The following PCDH15 variants were observed in gnomAD, a reference collection of about 807,000 sequenced individuals.
PCDH15 encodes protocadherin related 15.
A neutral mutation model predicts 178.5 loss-of-function variants in PCDH15; 129 were observed. That is an observed-to-expected ratio of 0.72 (90% CI 0.63 to 0.84). PCDH15 has a LOEUF of 0.84. Among genes scored for constraint, PCDH15 ranks in the 40% least tolerant of loss-of-function variants. The pLI is 0.00. For synonymous variants in PCDH15, 800 were observed against 732.0 expected (o/e 1.09, Z -1.50); for missense variants, 2,230 against 2,099.9 (o/e 1.06, Z -1.21).
rs191729854 is a variant in PCDH15, at chr10:54,241,081, C to G, written c.877-4150G>C. On this transcript the variant is annotated intron_variant, in intron 8 of 37. Coordinates refer to ENST00000644397, the MANE Select transcript of PCDH15 (RefSeq NM_001384140.1). ...TGCCAACTTATTCTGTTGAGTTATC[C>G]AAAGAGATCACTACTCTCTGGTCAA... 1.8e-3 allele frequency among the ~76,000 whole-genome samples: 269 copies of G among 152,122 alleles called. 1 individual carries two copies. The highest frequency in any genetic ancestry group is 6.0e-3 in the African/African-American group (251 of 41,498).
At chr10:54,054,509 G>A (rs1002298685) in intron 18 of PCDH15, among the ~76,000 whole-genome samples, 2 of 152,082 alleles carry the variant, frequency 1.3e-5, no homozygotes, top group African/African-American at 4.8e-5. Context: ...ACCATAAAGT[G>A]GACACAGATA....
intron 3 of PCDH15, among the ~76,000 whole-genome samples, chr10:54,885,194 T>C (rs1263022431): frequency 6.6e-6 from 1 of 151,982 alleles, no homozygotes; most frequent in African/African-American, 2.4e-5. Context: ...TTAGCAACAG[T>C]GGTAAAATGT....
At chr10:55,237,885 G>A (rs769192988) in intron 1 of PCDH15, among the ~76,000 whole-genome samples, 2 of 151,706 alleles carry the variant, frequency 1.3e-5, no homozygotes, top group Non-Finnish European at 2.9e-5. Context: ...TATTCAGGAT[G>A]TACAATATTA....
intron 2 of PCDH15, among the ~76,000 whole-genome samples, chr10:55,346,937 G>C (rs1199005045): frequency 6.6e-6 from 1 of 151,942 alleles, no homozygotes; most frequent in East Asian, 1.9e-4. Context: ...AAAGTGAGTT[G>C]GGCGCGGTGA....
intron 2 of PCDH15, among the ~76,000 whole-genome samples, chr10:55,113,909 A>T (rs1837569027): frequency 6.6e-6 from 1 of 152,052 alleles, no homozygotes; most frequent in South Asian, 2.1e-4. Context: ...TCCCTCATTC[A>T]GCTCAAACTT....
chr10:54,721,968 A>G (rs915888851), intron 1 of PCDH15, among the ~76,000 whole-genome samples: 1 of 151,918 alleles, frequency 6.6e-6, no homozygotes, highest in African/African-American at 2.4e-5. Flanking sequence ...AAAATCTTCA[A>G]CAAAATACTA....
At chr10:55,211,945 C>A (rs1026042767) in intron 1 of PCDH15, among the ~76,000 whole-genome samples, 6 of 117,140 alleles carry the variant, frequency 5.1e-5, no homozygotes, top group African/African-American at 1.0e-4. Flanking sequence ...CAAATAAATT[C>A]TTTTCTAACA....
chr10:55,463,250 C>T, intron 2 of PCDH15, among the ~76,000 whole-genome samples: 1 of 152,058 alleles, frequency 6.6e-6, no homozygotes, highest in East Asian at 1.9e-4. Context: ...ACTCCATATG[C>T]TAGAATGACT....
At chr10:54,244,404 A>G (rs1047704325) in intron 8 of PCDH15, among the ~76,000 whole-genome samples, 8 of 152,192 alleles carry the variant, frequency 5.3e-5, no homozygotes, top group Middle Eastern at 3.2e-3. Context: ...GACAGGCAAT[A>G]AAAACCTTGG....
intron 2 of PCDH15, among the ~76,000 whole-genome samples, chr10:55,514,584 C>T (rs1399383987): frequency 2.0e-5 from 3 of 152,078 alleles, no homozygotes; most frequent in Admixed American, 6.6e-5. Flanking sequence ...ACATAAAAAG[C>T]GTAATCAAAT....
At chr10:55,121,564 T>A (rs1180285233) in intron 2 of PCDH15, among the ~76,000 whole-genome samples, 1 of 152,116 alleles carries the variant, frequency 6.6e-6, no homozygotes, top group Non-Finnish European at 1.5e-5. Context: ...TTTGAATATA[T>A]GTGTCTCTCT....
chr10:54,307,098 GTGTGTGTA>G lies in PCDH15; in HGVS notation c.876+10165_876+10172del, dbSNP rs1564922696. 6.5e-3 allele frequency among the ~76,000 whole-genome samples: 88 copies of G among 13,576 alleles called. 7 individuals are homozygous for G. Among genetic ancestry groups the G allele is most frequent in the African/African-American group, 0.028 (73 of 2,626 alleles). The allele number at this position is 13,576 out of a possible 152,430, so 8.9% of individuals were successfully genotyped here. A position where few individuals can be genotyped will look rare whatever the true frequency, so the allele number is the denominator to read the frequency against. On this transcript the variant is annotated intron_variant, in intron 8 of 37. Transcript: ENST00000644397. The stretch of plus-strand genomic sequence containing the variant: ...TATATATACATATATATATATGTGT[GTGTGTGTA>G]TATATATATATATATATATATATAT...
chr10:54,630,557 A>G (rs1590689857), intron 2 of PCDH15, among the ~76,000 whole-genome samples: 1 of 152,172 alleles, frequency 6.6e-6, no homozygotes, highest in South Asian at 2.1e-4. Flanking sequence ...CTAGAAGAAA[A>G]CCTAGGACAT....
chr10:54,152,988 G>T, intron 14 of PCDH15, 112 bp downstream of exon 14: 2 of 1,261,168 alleles, frequency 1.6e-6, no homozygotes, highest in Non-Finnish European at 2.3e-6. Flanking sequence ...CTGATTTTCT[G>T]ATCTAATTTA....
At chr10:55,547,910 T>TGTGTGTGTGAGAGAGAGAGAGAGA (rs541144266) in intron 2 of PCDH15, among the ~76,000 whole-genome samples, 27 of 54,514 alleles carry the variant, frequency 5.0e-4, no homozygotes, top group African/African-American at 1.6e-3. Flanking sequence ...TGTGTGTGTG[T>TGTGTGTGTGAGAGAGAGAGAGAGA]GAGAGAGAGA....
At chr10:55,530,173 T>C (rs1322099709) in intron 2 of PCDH15, among the ~76,000 whole-genome samples, 1 of 151,958 alleles carries the variant, frequency 6.6e-6, no homozygotes, top group Non-Finnish European at 1.5e-5. Flanking sequence ...ATTTTTTAAA[T>C]GTTTAACTGT....
intron 3 of PCDH15, among the ~76,000 whole-genome samples, chr10:54,509,892 T>C (rs1021971139): frequency 6.6e-6 from 1 of 152,202 alleles, no homozygotes; most frequent in Non-Finnish European, 1.5e-5. Flanking sequence ...TGTTCACATA[T>C]GTCTTCGAAA....
intron 25 of PCDH15, among the ~76,000 whole-genome samples, chr10:53,928,209 T>C (rs1254636260): frequency 1.3e-5 from 2 of 152,102 alleles, no homozygotes; most frequent in East Asian, 3.9e-4. Context: ...TATTTCTTTT[T>C]ATTATGTAAG....
chr10:54,859,821 G>A (rs1282790827), intron 3 of PCDH15, among the ~76,000 whole-genome samples: 1 of 151,720 alleles, frequency 6.6e-6, no homozygotes, highest in African/African-American at 2.4e-5. Context: ...TTAATAATCT[G>A]TAATATAAAG....
Sources: gnomAD v4.1 joint callset for allele counts (sites outside exome capture counted in the v4.1 genomes callset) on GRCh38, gnomAD v4.1.1 for gene constraint, MANE v1.5 for transcripts, NCBI Gene and HGNC (gene_info 2026-07-23, HGNC 2026-07-21) for gene names.